Variants in LPAR5 observed in about 807,000 individuals in gnomAD.
LPAR5 encodes G protein-coupled receptor 92.
For missense variants in LPAR5, 544 were observed against 521.8 expected (o/e 1.04, Z -0.41); for synonymous variants, 271 against 261.6 (o/e 1.04, Z -0.35).
rs150452082 is a variant in LPAR5, at chr12:6,632,779, C to T, written c.-217+3128G>A. On this transcript the variant is annotated intron_variant, in intron 1 of 1. Transcript: ENST00000329858. ...GACTAAATGGAACAGGAGGATGAAT[C>T]CTCATCCTCAAGGTTTGGAGACAGT... 9.2e-3 allele frequency among the ~76,000 whole-genome samples: 1,400 copies of T among 152,264 alleles called. 10 individuals carry two copies. The highest frequency in any genetic ancestry group is 0.014 in the Admixed American group (219 of 15,290).
At chr12:6,632,028 A>G (rs60962228) in intron 1 of LPAR5, among the ~76,000 whole-genome samples, 1 of 152,190 alleles carries the variant, frequency 6.6e-6, no homozygotes, top group African/African-American at 2.4e-5. Context: ...CTGGAGTGCA[A>G]CGGTGCAATC....
rs781122046 is a variant in LPAR5, at chr12:6,620,780, C to T, written c.469G>A (p.Ala157Thr). 9 of 1,581,920 alleles carry T rather than the reference C, an allele frequency of 5.7e-6. No individual in the cohort carries two copies. Among genetic ancestry groups the T allele is most frequent in the South Asian group, 1.1e-5 (1 of 87,548 alleles). ...ALILVFAVPA[A>T]RVHRPSRCRY... ...CAACGCGAGGGCCTGTGCACGCGGG[C>T]GGCGGGCACGGCAAACACCAGGATG... The change falls in exon 2 of 2, where the codon GCC (alanine) becomes ACC (threonine). Residue 157 changes from alanine (A) to threonine (T), a missense_variant. Ala to Thr is a moderately conservative substitution (Grantham distance 58). Transcript: ENST00000329858. The surrounding 1 kb of genome is among the most constrained non-coding windows in gnomAD (Gnocchi z 6.8).
rs370237267 is a variant in LPAR5 at position 6,630,873 on chromosome 12, C to T, written c.-217+5034G>A. On this transcript the variant is annotated intron_variant, in intron 1 of 1. Coordinates refer to ENST00000329858, the MANE Select transcript of LPAR5 (RefSeq NM_020400.6). ...CCCCTGGCCTGGTCCCCATCCCACACTTCTGCTTCCCGAGCCCTGGGGCTC... is the reference window on the plus strand; with the variant it reads ...CCCCTGGCCTGGTCCCCATCCCACATTTCTGCTTCCCGAGCCCTGGGGCTC... 1.7e-4 allele frequency among the ~76,000 whole-genome samples: 26 copies of T among 152,356 alleles called. No homozygotes were observed. The South Asian group carries it at 5.2e-3, about 30-fold the overall frequency.
At chr12:6,634,194 C>T (rs528735328) in intron 1 of LPAR5, among the ~76,000 whole-genome samples, 1 of 152,086 alleles carries the variant, frequency 6.6e-6, no homozygotes, top group East Asian at 1.9e-4. Flanking sequence ...TCAGTAGAGA[C>T]GGGGGTTTCA....
chr12:6,620,719 T>C lies in LPAR5; in HGVS notation c.530A>G (p.Glu177Gly), dbSNP rs927445108. The C allele has an allele frequency of 6.3e-7, 1 of 1,585,332 alleles. No homozygotes were observed. Among genetic ancestry groups the C allele is most frequent in the Non-Finnish European group, 8.6e-7 (1 of 1,165,738 alleles). The change falls in exon 2 of 2, where the codon GAG (glutamate) becomes GGG (glycine). Residue 177 changes from glutamate (E) to glycine (G), a missense_variant. Glu to Gly is a moderately conservative substitution (Grantham distance 98). Transcript: ENST00000329858. The surrounding 1 kb of genome is among the most constrained non-coding windows in gnomAD (Gnocchi z 6.8). ...YRDLEVRLCF[E>G]SFSDELWKGR... Reference sequence around the variant, plus strand: ...TTTCCACAGCTCGTCGCTGAAGCTCTCGAAGCATAGGCGCACCTCGAGGTC... The same window carrying C: ...TTTCCACAGCTCGTCGCTGAAGCTCCCGAAGCATAGGCGCACCTCGAGGTC...
Position 6,620,995 on chromosome 12 carries a change from T to C in LPAR5, c.254A>G (p.His85Arg). 6.2e-7 allele frequency: 1 copy of C among 1,613,496 alleles called. No individual in the cohort carries two copies. The highest frequency in any genetic ancestry group is 1.1e-5 in the South Asian group (1 of 90,996). ...LPVRLSYYAL[H>R]HWPFPDLLCQ... ...CAGGAGGTCGGGGAAGGGCCAGTGG[T>C]GCAGTGCGTAGTAGGAGAGACGAAC... Residue 85 changes from histidine to arginine, a missense_variant, in exon 2 of 2, where the codon CAC (histidine) becomes CGC (arginine). Coordinates refer to ENST00000329858, the MANE Select transcript of LPAR5 (RefSeq NM_020400.6). The surrounding 1 kb of genome is among the most constrained non-coding windows in gnomAD (Gnocchi z 6.8).
chr12:6,627,987 G>C (rs1198142868), intron 1 of LPAR5, among the ~76,000 whole-genome samples: 2 of 151,372 alleles, frequency 1.3e-5, no homozygotes, highest in African/African-American at 4.8e-5. Context: ...TTTACACTAT[G>C]ATTACAGTAT....
In LPAR5 at chr12:6,620,122, A is replaced by G. The variant is rs902148453; in HGVS notation, c.*8T>C. ...AGTCGGGCACGGACAGCGCAATGGC[A>G]TGTGTGTTCAGAGGGCGGAATCCTG... On this transcript the variant is annotated 3_prime_UTR_variant, in exon 2 of 2. Transcript: ENST00000329858. This position sits in a 1 kb window ranked among gnomAD's most constrained non-coding sequence, Gnocchi z 6.8. 6.2e-7 allele frequency: 1 copy of G among 1,613,710 alleles called. No homozygotes were observed. Among genetic ancestry groups the G allele is most frequent in the East Asian group, 2.2e-5 (1 of 44,878 alleles).
chr12:6,621,354 T>G lies in LPAR5; in HGVS notation c.-106A>C. On this transcript the variant is annotated 5_prime_UTR_variant, in exon 2 of 2. It removes an upstream start codon present in the reference 5' UTR. Coordinates refer to ENST00000329858, the MANE Select transcript of LPAR5 (RefSeq NM_020400.6). ...CTGGGGCCTAGAGGCTGTACAGACA[T>G]GGTCCCAAAACAAGCAGAGGGAGGT... 8.7e-7 allele frequency: 1 copy of G among 1,155,188 alleles called. No individual in the cohort carries two copies. Among genetic ancestry groups the G allele is most frequent in the Non-Finnish European group, 1.1e-6 (1 of 875,188 alleles). The allele number at this position is 1,155,188 out of a possible 1,614,324, so 71.6% of individuals were successfully genotyped here. A position where few individuals can be genotyped will look rare whatever the true frequency, so the allele number is the denominator to read the frequency against.
chr12:6,627,348 T>G (rs917787083), intron 1 of LPAR5, among the ~76,000 whole-genome samples: 2 of 152,028 alleles, frequency 1.3e-5, no homozygotes, highest in Non-Finnish European at 2.9e-5. Context: ...TCCCAGCACT[T>G]TGGGAGGCCG....
Position 6,620,495 on chromosome 12 carries a change from TG to T in LPAR5, c.753del (p.Asn251LysfsTer29). The T allele has an allele frequency of 1.3e-6, 2 of 1,586,604 alleles. No individual in the cohort carries two copies. The highest frequency in any genetic ancestry group is 8.6e-7 in the Non-Finnish European group (1 of 1,166,274). On this transcript the variant is annotated frameshift_variant, in exon 2 of 2. Coordinates refer to ENST00000329858, the MANE Select transcript of LPAR5 (RefSeq NM_020400.6). LOFTEE classifies it low-confidence loss of function (END_TRUNC). The surrounding 1 kb of genome is among the most constrained non-coding windows in gnomAD (Gnocchi z 6.8). ...AGCAGCCCGTAGACCGCCAGCGTGC[TG>T]TTGTAGGGCACGAAGCACAGCAGGA... ...VIFLLCFVPY[N>X]STLAVYGLLR...
chr12:6,632,979 T>G (rs894793984), intron 1 of LPAR5, among the ~76,000 whole-genome samples: 18 of 152,274 alleles, frequency 1.2e-4, no homozygotes, highest in Non-Finnish European at 2.2e-4. Context: ...CCCACCCTTC[T>G]CTGCTGAAGC....
At position 6,621,350 on chromosome 12, in the gene LPAR5, G is replaced by T; in HGVS notation, c.-102C>A. On this transcript the variant is annotated 5_prime_UTR_variant, in exon 2 of 2. In the 5' UTR this introduces an upstream ATG that the reference lacks. Coordinates refer to ENST00000329858, the MANE Select transcript of LPAR5 (RefSeq NM_020400.6). ...GGGGCTGGGGCCTAGAGGCTGTACAGACATGGTCCCAAAACAAGCAGAGGG... is the reference window on the plus strand; with the variant it reads ...GGGGCTGGGGCCTAGAGGCTGTACATACATGGTCCCAAAACAAGCAGAGGG... The T allele has an allele frequency of 1.7e-6, 2 of 1,175,550 alleles. No homozygotes were observed. Among genetic ancestry groups the T allele is most frequent in the Non-Finnish European group, 2.2e-6 (2 of 891,868 alleles). The allele number at this position is 1,175,550 out of a possible 1,614,324, so 72.8% of individuals were successfully genotyped here. A position where few individuals can be genotyped will look rare whatever the true frequency, so the allele number is the denominator to read the frequency against.
At chr12:6,628,511 A>G (rs1948959665) in intron 1 of LPAR5, among the ~76,000 whole-genome samples, 1 of 151,658 alleles carries the variant, frequency 6.6e-6, no homozygotes. Flanking sequence ...CCCAGGCTGC[A>G]GTGAAGTGGC....
chr12:6,620,814 C>T lies in LPAR5; in HGVS notation c.435G>A (p.Val145=). Residue 145 remains valine, a synonymous_variant, in exon 2 of 2, where the codon GTG becomes GTA. Transcript: ENST00000329858. The surrounding 1 kb of genome is among the most constrained non-coding windows in gnomAD (Gnocchi z 6.8). ...PRVARLLCLG[V]WALILVFAVP... is the part of the protein sequence containing the mutation. Reference sequence around the variant, plus strand: ...CGGCAAACACCAGGATGAGCGCCCACACGCCCAGGCAGAGCAGCCGCGCCA... The same window carrying T: ...CGGCAAACACCAGGATGAGCGCCCATACGCCCAGGCAGAGCAGCCGCGCCA... 1 of 1,563,590 alleles carries T rather than the reference C, an allele frequency of 6.4e-7. No individual in the cohort carries two copies. Among genetic ancestry groups the T allele is most frequent in the Non-Finnish European group, 8.7e-7 (1 of 1,154,502 alleles).
rs536975007 is a variant in LPAR5 at position 6,626,372 on chromosome 12, G to GT, written c.-216-4909dup. 1.2e-4 allele frequency among the ~76,000 whole-genome samples: 18 copies of GT among 152,306 alleles called. No homozygotes were observed. The South Asian group carries it at 3.1e-3, about 26-fold the overall frequency. ...AAGCAATCCTTTTGCCCTGGGCTCT[G>GT]TAAGTCCTAGGATTACAGGCATGAG... On this transcript the variant is annotated intron_variant, in intron 1 of 1. Transcript: ENST00000329858.
Position 6,620,051 on chromosome 12 carries a change from T to C in LPAR5, c.*79A>G. ...AAAGGTCCAAGTGCCCAGCCCACCT[T>C]CTTGTGTGTACACCCTGTAAGCCTC... is the stretch of plus-strand genomic sequence containing the variant. On this transcript the variant is annotated 3_prime_UTR_variant, in exon 2 of 2. Transcript: ENST00000329858. The surrounding 1 kb of genome is among the most constrained non-coding windows in gnomAD (Gnocchi z 6.8). 1.3e-6 allele frequency: 2 copies of C among 1,573,534 alleles called. No individual in the cohort carries two copies. The highest frequency in any genetic ancestry group is 1.7e-4 in the Middle Eastern group (1 of 6,000).
Position 6,621,456 on chromosome 12 carries a change from A to C in LPAR5, c.-208T>G. On this transcript the variant is annotated 5_prime_UTR_variant, in exon 2 of 2. Coordinates refer to ENST00000329858, the MANE Select transcript of LPAR5 (RefSeq NM_020400.6). ...TGCGTTTGGTCACAGCTTCATCAGC[A>C]GCAGAGACCTGGAATAGGAAGGCAA... The C allele has an allele frequency of 2.3e-6, 1 of 438,246 alleles. No individual in the cohort carries two copies. Among genetic ancestry groups the C allele is most frequent in the Non-Finnish European group, 4.1e-6 (1 of 245,782 alleles). 27.1% of individuals were successfully genotyped at this position (438,246 alleles called of 1,614,324 possible).
intron 1 of LPAR5, among the ~76,000 whole-genome samples, chr12:6,629,393 G>A (rs889600001): frequency 7.6e-6 from 1 of 131,174 alleles, no homozygotes; most frequent in African/African-American, 2.9e-5. Context: ...AAAAAAAAAG[G>A]GCCAAGCGCG....
Sources: allele counts gnomAD v4.1 joint callset (sites outside exome capture counted in the v4.1 genomes callset), GRCh38; gene constraint gnomAD v4.1.1; non-coding constraint Gnocchi (gnomAD v3.1); transcripts MANE v1.5; gene names NCBI Gene and HGNC (gene_info 2026-07-23, HGNC 2026-07-21).